The following TGFBI variants were observed in gnomAD, a reference collection of about 807,000 sequenced individuals.
TGFBI encodes transforming growth factor-beta-induced protein ig-h3.
TGFBI carries 50 observed loss-of-function variants against 73.7 expected under a neutral mutation model. That is an observed-to-expected ratio of 0.68 (90% CI 0.54 to 0.86). The LOEUF (loss-of-function observed/expected upper bound fraction) is 0.86, where lower values mean the gene tolerates loss of function less well. Among genes scored for constraint, TGFBI ranks in the 40% least tolerant of loss-of-function variants. The pLI, the probability that TGFBI is intolerant of heterozygous loss-of-function variation, is 0.00. For missense variants in TGFBI, 839 were observed against 877.0 expected (o/e 0.96, Z 0.55); for synonymous variants, 362 against 360.5 (o/e 1.00, Z -0.05).
In TGFBI at chr5:136,061,449, A is replaced by G. The variant is rs1751745615; in HGVS notation, c.1907-51A>G. On this transcript the variant is annotated intron_variant, in intron 14 of 16. Coordinates refer to ENST00000442011, the MANE Select transcript of TGFBI (RefSeq NM_000358.3). ...CCCTCAGTCACGGTTGTTATGAATG[A>G]CATGCTAATGGTTTCACTCTGGTCA... is the stretch of plus-strand genomic sequence containing the variant. The G allele has an allele frequency of 3.2e-5, 43 of 1,358,798 alleles. No homozygotes were observed. The South Asian group carries it at 5.3e-4, about 17-fold the overall frequency. 84.2% of individuals were successfully genotyped at this position (1,358,798 alleles called of 1,614,324 possible). A position where few individuals can be genotyped will look rare whatever the true frequency, so the allele number is the denominator to read the frequency against.
In TGFBI at chr5:136,055,669, C is replaced by G. The variant is rs1358935961; in HGVS notation, c.1411-11C>G. ...ACCAGTCCTTTCTTTCTCTGTCCCT[C>G]TTCTGTGCAGAGCCTCTGCATTGAG... On this transcript the variant is annotated splice_polypyrimidine_tract_variant and intron_variant, in intron 10 of 16. Coordinates refer to ENST00000442011, the MANE Select transcript of TGFBI (RefSeq NM_000358.3). 6.3e-7 allele frequency: 1 copy of G among 1,583,366 alleles called. No individual in the cohort carries two copies. The highest frequency in any genetic ancestry group is 1.3e-5 in the African/African-American group (1 of 74,494).
intron 3 of TGFBI, 120 bp from the exon 4 acceptor site, chr5:136,046,215 C>T: frequency 8.1e-7 from 1 of 1,241,856 alleles, no homozygotes. Context: ...TTTGGGCTTT[C>T]CCACATGCCT....
intron 1 of TGFBI, among the ~76,000 whole-genome samples, chr5:136,032,212 G>A (rs1344805794): frequency 6.6e-6 from 1 of 152,186 alleles, no homozygotes; most frequent in Non-Finnish European, 1.5e-5. Flanking sequence ...GGAGGCATGG[G>A]CCTCTGCTGG....
At chr5:136,061,058 G>A (rs45498296) in intron 14 of TGFBI, 122 bp downstream of exon 14, 110 of 738,520 alleles carry the variant, frequency 1.5e-4, no homozygotes, top group Non-Finnish European at 2.1e-4. Context: ...TAGTTAAACT[G>A]TGCCTATGTG....
intron 7 of TGFBI, among the ~76,000 whole-genome samples, chr5:136,052,136 G>A (rs948871972): frequency 3.9e-5 from 6 of 152,264 alleles, no homozygotes; most frequent in Non-Finnish European, 7.3e-5. Flanking sequence ...TGGGCTCTCC[G>A]AGGCAATGGA....
At chr5:136,034,365 T>A (rs900492675) in intron 2 of TGFBI, among the ~76,000 whole-genome samples, 1 of 151,884 alleles carries the variant, frequency 6.6e-6, no homozygotes, top group African/African-American at 2.4e-5. Flanking sequence ...AAACCCTAGC[T>A]CTACCTGGGC....
At chr5:136,055,569 A>G in intron 10 of TGFBI, 111 bp from the exon 11 acceptor site, 4 of 1,013,846 alleles carry the variant, frequency 3.9e-6, no homozygotes, top group Non-Finnish European at 4.0e-6. Context: ...ATCCCAGTGT[A>G]TACTCCTTCA....
chr5:136,051,971 G>A (rs1751544159), intron 7 of TGFBI, among the ~76,000 whole-genome samples: 1 of 152,196 alleles, frequency 6.6e-6, no homozygotes, highest in Non-Finnish European at 1.5e-5. Flanking sequence ...TCCCACACTT[G>A]GGATCAGATT....
At chr5:136,050,630 C>T (rs916638302) in intron 7 of TGFBI, among the ~76,000 whole-genome samples, 16 of 152,150 alleles carry the variant, frequency 1.1e-4, no homozygotes, top group Non-Finnish European at 1.0e-4. Flanking sequence ...TGATGTACCC[C>T]ACCACACTTT....
rs775399687 is a variant in TGFBI at position 136,052,969 on chromosome 5, T to A, written c.976T>A (p.Ser326Thr). 2 of 1,614,046 alleles carry A rather than the reference T, an allele frequency of 1.2e-6. No individual in the cohort carries two copies. Among genetic ancestry groups the A allele is most frequent in the Admixed American group, 3.3e-5 (2 of 60,032 alleles). The change falls in exon 8 of 17, where the codon TCT becomes ACT. Residue 326 changes from serine to threonine, a missense_variant. Coordinates refer to ENST00000442011, the MANE Select transcript of TGFBI (RefSeq NM_000358.3). ...TGCTGAAGCCATCGTTGCGGGGCTG[T>A]CTGTAGAGACCCTGGAGGGCACGAC... ...MCAEAIVAGL[S>T]VETLEGTTLE...
rs576896957 is a variant in TGFBI, at chr5:136,050,483, G to A, written c.913+903G>A. ...GGAAGGAGCTAACGTGTTTTCACAT[G>A]TTTTCCTTTTGGAGATGAGAAAGGA... On this transcript the variant is annotated intron_variant, in intron 7 of 16. Transcript: ENST00000442011. Among the ~76,000 whole-genome samples, 17 of 152,280 alleles carry A rather than the reference G, an allele frequency of 1.1e-4. 1 individual carries two copies. In the South Asian group the frequency reaches 3.5e-3, roughly 32 times the overall value.
chr5:136,061,315 T>C, intron 14 of TGFBI, 185 bp from the exon 15 acceptor site: 1 of 622,216 alleles, frequency 1.6e-6, no homozygotes, highest in Non-Finnish European at 2.9e-6. Context: ...CATGTGTGCA[T>C]TCACCTTTCT....
chr5:136,059,467 G>A (rs1488055409), intron 13 of TGFBI, among the ~76,000 whole-genome samples: 2 of 152,180 alleles, frequency 1.3e-5, no homozygotes, highest in Non-Finnish European at 2.9e-5. Flanking sequence ...ATCTGAGAGA[G>A]GCTATTAGAT....
At position 136,062,651 on chromosome 5, in the gene TGFBI, G is replaced by T; in HGVS notation, c.1987-12G>T. On this transcript the variant is annotated splice_polypyrimidine_tract_variant and intron_variant, in intron 15 of 16. Transcript: ENST00000442011. ...TTCACTAGAAAACCTGACACCTTGT[G>T]TTTTCTTTCAGGCTTCCCAGAGGTC... 1 of 1,561,876 alleles carries T rather than the reference G, an allele frequency of 6.4e-7. No homozygotes were observed. Among genetic ancestry groups the T allele is most frequent in the Non-Finnish European group, 8.7e-7 (1 of 1,151,432 alleles).
At chr5:136,041,161 G>C (rs45529832) in intron 2 of TGFBI, among the ~76,000 whole-genome samples, 2 of 152,232 alleles carry the variant, frequency 1.3e-5, no homozygotes, top group African/African-American at 4.8e-5. Flanking sequence ...GGGGCTGAAG[G>C]CGTGGCTAAC....
chr5:136,041,393 A>G (rs539988298), intron 2 of TGFBI, among the ~76,000 whole-genome samples: 4 of 152,360 alleles, frequency 2.6e-5, no homozygotes, highest in Non-Finnish European at 4.4e-5. Flanking sequence ...ACTGTGGGAC[A>G]TGGGTGCTGA....
chr5:136,056,050 A>T (rs1751625369), intron 11 of TGFBI, among the ~76,000 whole-genome samples: 3 of 152,202 alleles, frequency 2.0e-5, no homozygotes, highest in Admixed American at 2.0e-4. Flanking sequence ...CATGGGAAGC[A>T]GGGAGGGGGG....
chr5:136,038,316 C>G (rs1227973357), intron 2 of TGFBI, among the ~76,000 whole-genome samples: 2 of 152,124 alleles, frequency 1.3e-5, no homozygotes, highest in Non-Finnish European at 2.9e-5. Flanking sequence ...AATATATTCC[C>G]TTACTGGAAA....
At chr5:136,051,565 G>A (rs1345520730) in intron 7 of TGFBI, among the ~76,000 whole-genome samples, 1 of 152,214 alleles carries the variant, frequency 6.6e-6, no homozygotes, top group Non-Finnish European at 1.5e-5. Flanking sequence ...TCAGAGCAAG[G>A]ACACTCTGTT....
Sources: allele counts gnomAD v4.1 joint callset (sites outside exome capture counted in the v4.1 genomes callset), GRCh38; gene constraint gnomAD v4.1.1; transcripts MANE v1.5; gene names NCBI Gene and HGNC (gene_info 2026-07-23, HGNC 2026-07-21).